The following RNF43 variants were observed in gnomAD, a reference collection of about 807,000 sequenced individuals.
RNF43 encodes the protein E3 ubiquitin-protein ligase RNF43.
A neutral mutation model predicts 78.4 loss-of-function variants in RNF43; 37 were observed. The ratio of observed to expected loss-of-function variants is 0.47; its 90% CI spans 0.36 to 0.62. RNF43 has a LOEUF of 0.62. Ranked by LOEUF, RNF43 falls within the 20% of genes least tolerant of loss-of-function variation. The probability of loss-of-function intolerance (pLI) is 0.00; values close to 1 mark genes in which losing one functional copy is unlikely to be tolerated. For synonymous variants in RNF43, 347 were observed against 395.0 expected (o/e 0.88, Z 1.44); for missense variants, 774 against 1,007.9 (o/e 0.77, Z 3.14).
At chr17:58,367,717 G>C (rs896256221) in intron 3 of RNF43, among the ~76,000 whole-genome samples, 2 of 152,178 alleles carry the variant, frequency 1.3e-5, no homozygotes, top group Non-Finnish European at 2.9e-5. Flanking sequence ...AGGGTGGAGG[G>C]GATAGTGGGG....
intron 2 of RNF43, among the ~76,000 whole-genome samples, chr17:58,387,892 T>C (rs973361410): frequency 6.6e-6 from 1 of 152,128 alleles, no homozygotes; most frequent in Non-Finnish European, 1.5e-5. Flanking sequence ...ATGGGGTGGC[T>C]GGGACATAAG....
rs1487866929 is a variant in RNF43 at position 58,354,787 on chromosome 17, CCACCAT to C, written c.*150_*155del. 1 of 707,042 alleles carries C rather than the reference CCACCAT, an allele frequency of 1.4e-6. No individual in the cohort carries two copies. Among genetic ancestry groups the C allele is most frequent in the Non-Finnish European group, 2.5e-6 (1 of 393,906 alleles). 43.8% of individuals were successfully genotyped at this position (707,042 alleles called of 1,614,324 possible). The stretch of plus-strand genomic sequence containing the variant: ...GCAGGAAACGGCACCCTCTCACCCT[CCACCAT>C]CACCAGTCCTCTTCCAGTGCTTCTA... On this transcript the variant is annotated 3_prime_UTR_variant, in exon 10 of 10. Coordinates refer to ENST00000407977, the MANE Select transcript of RNF43 (RefSeq NM_017763.6).
intron 3 of RNF43, among the ~76,000 whole-genome samples, chr17:58,369,010 G>C (rs1973018333): frequency 6.6e-6 from 1 of 152,032 alleles, no homozygotes; most frequent in East Asian, 1.9e-4. Flanking sequence ...CCCCAGCCCA[G>C]CTCCCACCAA....
intron 2 of RNF43, among the ~76,000 whole-genome samples, chr17:58,405,485 C>G (rs921145834): frequency 6.6e-6 from 1 of 151,832 alleles, no homozygotes; most frequent in African/African-American, 2.4e-5. Flanking sequence ...GACAGAATTA[C>G]CACAGTCATT....
chr17:58,380,526 G>C (rs986514509), intron 2 of RNF43, among the ~76,000 whole-genome samples: 1 of 152,186 alleles, frequency 6.6e-6, no homozygotes, highest in African/African-American at 2.4e-5. Flanking sequence ...GCTCACACCA[G>C]AGATGGCAGG....
rs752845745 is a variant in RNF43 at position 58,363,327 on chromosome 17, T to A, written c.530A>T (p.Tyr177Phe). 6.2e-7 allele frequency: 1 copy of A among 1,614,114 alleles called. No homozygotes were observed. Among genetic ancestry groups the A allele is most frequent in the Admixed American group, 1.7e-5 (1 of 60,012 alleles). ...NDAEKLMEFV[Y>F]KNQKAHVRIE... The stretch of plus-strand genomic sequence containing the variant: ...CCTCACATGGGCCTTTTGGTTCTTG[T>A]ACACAAACTCCATCAGCTTCTCAGC... Residue 177 changes from tyrosine (Y) to phenylalanine (F), a missense_variant, in exon 5 of 10, where the codon TAC becomes TTC. Coordinates refer to ENST00000407977, the MANE Select transcript of RNF43 (RefSeq NM_017763.6).
intron 3 of RNF43, 101 bp downstream of exon 3, chr17:58,370,810 C>A (rs1360802429): frequency 1.5e-6 from 2 of 1,298,486 alleles, no homozygotes; most frequent in Non-Finnish European, 2.0e-6. Context: ...GAATCAGGTA[C>A]ATCACTCTTA....
chr17:58,363,171 AG>A, intron 5 of RNF43, 103 bp downstream of exon 5: 1 of 1,409,264 alleles, frequency 7.1e-7, no homozygotes, highest in Non-Finnish European at 9.6e-7. Context: ...GAGGGTTTCC[AG>A]GATCTCTCGC....
intron 3 of RNF43, among the ~76,000 whole-genome samples, chr17:58,366,730 T>C (rs933951822): frequency 6.6e-6 from 1 of 152,246 alleles, no homozygotes; most frequent in African/African-American, 2.4e-5. Flanking sequence ...AGGGTTGTTA[T>C]GAGGACTACA....
intron 2 of RNF43, among the ~76,000 whole-genome samples, chr17:58,382,780 A>G (rs1973348912): frequency 6.6e-6 from 1 of 152,224 alleles, no homozygotes; most frequent in South Asian, 2.1e-4. Context: ...CTCAATGCAC[A>G]GGGTCTTAAG....
In RNF43 at chr17:58,391,333, CA is replaced by C. The variant is rs1048614257; in HGVS notation, c.253-20301del. Among the ~76,000 whole-genome samples, 3 of 152,358 alleles carry C rather than the reference CA, an allele frequency of 2.0e-5. No individual in the cohort carries two copies. In the East Asian group the frequency reaches 5.8e-4, roughly 29 times the overall value. On this transcript the variant is annotated intron_variant, in intron 2 of 9. Transcript: ENST00000407977. ...GATCCCACCTCTCCACCACTACCCCCATTCCACACCGCCCAACACATTTTTT... is the reference window on the plus strand; with the variant it reads ...GATCCCACCTCTCCACCACTACCCCCTTCCACACCGCCCAACACATTTTTT...
chr17:58,409,710 C>A (rs892650577), intron 2 of RNF43, among the ~76,000 whole-genome samples: 1 of 152,010 alleles, frequency 6.6e-6, no homozygotes, highest in Non-Finnish European at 1.5e-5. Flanking sequence ...CAGGGCAAAA[C>A]CCTGTCTCTA....
chr17:58,373,354 G>A (rs948546962), intron 2 of RNF43, among the ~76,000 whole-genome samples: 1 of 152,090 alleles, frequency 6.6e-6, no homozygotes, highest in Non-Finnish European at 1.5e-5. Context: ...TGACAAGGTG[G>A]AAGGGAAAAA....
In RNF43 at chr17:58,357,638, T is replaced by C. The variant is rs763063494; in HGVS notation, c.2138A>G (p.Glu713Gly). 3.1e-6 allele frequency: 5 copies of C among 1,613,586 alleles called. No homozygotes were observed. The South Asian group carries it at 3.3e-5, about 11-fold the overall frequency. ...ATTTGAGTAACAGGGGCCTGGGGTTTCTGGTAGCAGCCTCTTGTCCAGGCC... is the reference window on the plus strand; with the variant it reads ...ATTTGAGTAACAGGGGCCTGGGGTTCCTGGTAGCAGCCTCTTGTCCAGGCC... ...PPGLDKRLLP[E>G]TPGPCYSNSQ... The change falls in exon 9 of 10, where the codon GAA (glutamate) becomes GGA (glycine). Residue 713 changes from glutamate (E) to glycine (G), a missense_variant. Glu to Gly is a moderately conservative substitution (Grantham distance 98). Transcript: ENST00000407977. The surrounding 1 kb of genome is among the most constrained non-coding windows in gnomAD (Gnocchi z 4.5).
intron 9 of RNF43, among the ~76,000 whole-genome samples, chr17:58,356,040 A>G (rs943293175): frequency 6.6e-6 from 1 of 152,230 alleles, no homozygotes; most frequent in Non-Finnish European, 1.5e-5. Flanking sequence ...AAAGGGAGAT[A>G]GTGGTGTGGT....
rs764379334 is a variant in RNF43 at position 58,415,545 on chromosome 17, G to C, written c.33C>G (p.Ala11=). 2.1e-5 allele frequency: 34 copies of C among 1,610,172 alleles called. No homozygotes were observed. The highest frequency in any genetic ancestry group is 1.7e-5 in the Admixed American group (1 of 60,008). The part of the protein sequence containing the change: MSGGHQLQLA[A]LWPWLLMATL... ...TAGCCATCAGCAGCCAGGGCCAGAG[G>C]GCAGCCAGCTGCAGCTGGTGGCCAC... The change falls in exon 2 of 10, where the codon GCC becomes GCG. Residue 11 remains alanine (A), a synonymous_variant. Coordinates refer to ENST00000407977, the MANE Select transcript of RNF43 (RefSeq NM_017763.6).
At chr17:58,366,297 T>G (rs1972948251) in intron 3 of RNF43, among the ~76,000 whole-genome samples, 1 of 152,070 alleles carries the variant, frequency 6.6e-6, no homozygotes, top group African/African-American at 2.4e-5. Flanking sequence ...CAGATAAAAG[T>G]GAGGCTGCTT....
intron 2 of RNF43, among the ~76,000 whole-genome samples, chr17:58,393,527 A>G (rs1486389008): frequency 2.0e-5 from 3 of 152,226 alleles, no homozygotes; most frequent in Non-Finnish European, 4.4e-5. Context: ...GTTATTAGTA[A>G]GGATTCTAGT....
intron 2 of RNF43, among the ~76,000 whole-genome samples, chr17:58,412,793 T>C (rs1974047979): frequency 6.6e-6 from 1 of 151,962 alleles, no homozygotes; most frequent in African/African-American, 2.4e-5. Flanking sequence ...TTTCAGAAAT[T>C]ATCTCAGAAT....
Sources: gnomAD v4.1 joint callset for allele counts (sites outside exome capture counted in the v4.1 genomes callset) on GRCh38, gnomAD v4.1.1 for gene constraint, Gnocchi (gnomAD v3.1) non-coding constraint, MANE v1.5 for transcripts, NCBI Gene and HGNC (gene_info 2026-07-23, HGNC 2026-07-21) for gene names.